APPL1: variants seen among roughly 807,000 people sequenced by gnomAD.
The protein encoded by APPL1 is adaptor protein, phosphotyrosine interacting with PH domain and leucine zipper 1.
A neutral mutation model predicts 106.8 loss-of-function variants in APPL1; 42 were observed. The observed-to-expected ratio is 0.39, with a 90% CI of 0.31 to 0.51. The LOEUF is 0.51. Among genes scored for constraint, APPL1 ranks in the 20% least tolerant of loss-of-function variants. The probability of loss-of-function intolerance (pLI) is 0.75; values close to 1 mark genes in which losing one functional copy is unlikely to be tolerated. For missense variants in APPL1, 769 were observed against 858.2 expected, an observed-to-expected ratio of 0.90 and a Z score of 1.30; for synonymous variants, 263 against 281.8, an observed-to-expected ratio of 0.93 and a Z score of 0.67.
At chr3:57,263,669 A>G (rs1038236873) in intron 19 of APPL1, among the ~76,000 whole-genome samples, 10 of 151,484 alleles carry the variant, frequency 6.6e-5, no homozygotes, top group Non-Finnish European at 1.3e-4. Context: ...TTATCCATGT[A>G]TCATCCATTC....
intron 21 of APPL1, 52 bp from the exon 22 acceptor site, chr3:57,269,489 G>T (rs1469917296): frequency 1.3e-6 from 2 of 1,596,570 alleles, no homozygotes; most frequent in African/African-American, 2.7e-5. Context: ...TGCATAATTT[G>T]CCATTTGACT....
intron 5 of APPL1, among the ~76,000 whole-genome samples, chr3:57,240,930 A>T (rs1181780299): frequency 6.6e-6 from 1 of 152,210 alleles, no homozygotes; most frequent in Non-Finnish European, 1.5e-5. Flanking sequence ...GAGAACAGTC[A>T]TTGTTCTGTT....
rs768049530 is a variant in APPL1 at position 57,238,167 on chromosome 3, C to A, written c.285+51C>A. 1.4e-5 allele frequency: 19 copies of A among 1,359,924 alleles called. 1 individual carries two copies. In the South Asian group the frequency reaches 2.3e-4, roughly 17 times the overall value. The allele number at this position is 1,359,924 out of a possible 1,614,324, so 84.2% of individuals were successfully genotyped here. A position where few individuals can be genotyped will look rare whatever the true frequency, so the allele number is the denominator to read the frequency against. On this transcript the variant is annotated intron_variant, in intron 4 of 21. Coordinates refer to ENST00000288266, the MANE Select transcript of APPL1 (RefSeq NM_012096.3). ...ATTAAATGGTCTTATAATTGAGTTA[C>A]CCAGTTGCTTAGCTTTTATTTTATG... is the stretch of plus-strand genomic sequence containing the variant.
Position 57,268,423 on chromosome 3 carries a change from AAG to A in APPL1, c.1921_1922del (p.Glu641AsnfsTer14), listed in dbSNP as rs1559515916. 1 of 1,599,366 alleles carries A rather than the reference AAG, an allele frequency of 6.3e-7. No individual in the cohort carries two copies. Reference sequence around the variant, plus strand: ...GATCGTAGGGCATCAGAAAAACAAAAAGAAATAGAGAGAGTAAAAGAGAAGCA... The same window carrying A: ...GATCGTAGGGCATCAGAAAAACAAAAAAATAGAGAGAGTAAAAGAGAAGCA... On this transcript the variant is annotated frameshift_variant, in exon 21 of 22. Coordinates refer to ENST00000288266, the MANE Select transcript of APPL1 (RefSeq NM_012096.3). LOFTEE classifies it high-confidence loss of function.
Position 57,269,668 on chromosome 3 carries a change from AG to A in APPL1, c.2112del (p.Arg705GlufsTer39). 1.9e-6 allele frequency: 3 copies of A among 1,614,102 alleles called. No individual in the cohort carries two copies. The highest frequency in any genetic ancestry group is 2.5e-6 in the Non-Finnish European group (3 of 1,179,978). On this transcript the variant is annotated frameshift_variant, in exon 22 of 22. Coordinates refer to ENST00000288266, the MANE Select transcript of APPL1 (RefSeq NM_012096.3). LOFTEE classifies it high-confidence loss of function. The part of the protein sequence containing the change: ...EESDLGEGGK[K>X]RESEA ...AGTGATTTGGGAGAAGGAGGAAAGA[AG>A]AGAGAATCAGAAGCATAAGCTTATA... is the stretch of plus-strand genomic sequence containing the variant.
chr3:57,235,398 CAA>C (rs200835898), intron 1 of APPL1, among the ~76,000 whole-genome samples, 166 bp from the exon 2 acceptor site: 1 of 139,066 alleles, frequency 7.2e-6, no homozygotes, highest in African/African-American at 2.6e-5. Context: ...AAACTAAGAA[CAA>C]AAAAAAAAGA....
chr3:57,231,338 CAAAAAAAAAA>C, intron 1 of APPL1, among the ~76,000 whole-genome samples: 1 of 72,234 alleles, frequency 1.4e-5, no homozygotes, highest in South Asian at 6.0e-4. Context: ...GACTCCGTCT[CAAAAAAAAAA>C]AAAAAAAAAA....
At chr3:57,232,331 A>C (rs2060690890) in intron 1 of APPL1, among the ~76,000 whole-genome samples, 1 of 152,134 alleles carries the variant, frequency 6.6e-6, no homozygotes, top group Non-Finnish European at 1.5e-5. Context: ...GATTCCTCTT[A>C]GAGTTGATGG....
At position 57,269,869 on chromosome 3, in the gene APPL1, TC is replaced by T. The variant is rs1193759344; in HGVS notation, c.*187del. The T allele has an allele frequency of 1.5e-5, 10 of 662,300 alleles. No individual in the cohort carries two copies. Among genetic ancestry groups the T allele is most frequent in the Non-Finnish European group, 1.9e-5 (8 of 415,706 alleles). 41.0% of individuals were successfully genotyped at this position (662,300 alleles called of 1,614,324 possible). On this transcript the variant is annotated 3_prime_UTR_variant, in exon 22 of 22. Transcript: ENST00000288266. ...GACTTAGGTTTGCATTGATCTTTTTTCCCCCTTAAACATAATGTACTATGTA... is the reference window on the plus strand; with the variant it reads ...GACTTAGGTTTGCATTGATCTTTTTTCCCCTTAAACATAATGTACTATGTA...
intron 1 of APPL1, among the ~76,000 whole-genome samples, chr3:57,229,260 CT>C (rs2060671860): frequency 6.6e-6 from 1 of 151,766 alleles, no homozygotes; most frequent in South Asian, 2.1e-4. Flanking sequence ...GTCAGGTGTA[CT>C]TTGTCATTTT....
At position 57,227,782 on chromosome 3, in the gene APPL1, C is replaced by G; in HGVS notation, c.-102C>G. ...TGTGCGGGCGGGGACGGCTGCAGCC[C>G]TTGCCGGAGAGGGCGGGCCGGGGTC... On this transcript the variant is annotated 5_prime_UTR_variant, in exon 1 of 22. Transcript: ENST00000288266. The G allele has an allele frequency of 5.6e-6, 6 of 1,078,246 alleles. No individual in the cohort carries two copies. Among genetic ancestry groups the G allele is most frequent in the South Asian group, 2.0e-5 (1 of 48,840 alleles). 66.8% of individuals were successfully genotyped at this position (1,078,246 alleles called of 1,614,324 possible). A position where few individuals can be genotyped will look rare whatever the true frequency, so the allele number is the denominator to read the frequency against.
At chr3:57,229,366 G>C (rs4640525) in intron 1 of APPL1, among the ~76,000 whole-genome samples, 56,475 of 151,770 alleles carry the variant, frequency 0.37, 12,661 homozygotes, top group East Asian at 0.92. Flanking sequence ...AAACGGCTCA[G>C]AATGGATTGC....
rs1363636712 is a variant in APPL1 at position 57,253,756 on chromosome 3, T to C, written c.1152+18T>C. 2.9e-6 allele frequency: 4 copies of C among 1,402,686 alleles called. No individual in the cohort carries two copies. The East Asian group carries it at 8.8e-5, about 31-fold the overall frequency. 86.9% of individuals were successfully genotyped at this position (1,402,686 alleles called of 1,614,324 possible). ...ATCCAGAGGTAATATTTTTATTTTA[T>C]GTTACCCAGATCTAGCAAAATTGAG... On this transcript the variant is annotated intron_variant, in intron 13 of 21. Transcript: ENST00000288266.
intron 6 of APPL1, 123 bp from the exon 7 acceptor site, chr3:57,242,733 C>A: frequency 1.4e-6 from 1 of 696,606 alleles, no homozygotes; most frequent in African/African-American, 1.8e-5. Flanking sequence ...GTGCAGTGGT[C>A]ATGTGGTAGG....
chr3:57,247,500 T>C, intron 9 of APPL1, 23 bp downstream of exon 9: 6 of 1,451,014 alleles, frequency 4.1e-6, no homozygotes, highest in Non-Finnish European at 5.8e-6. Context: ...TTCCTTAAAA[T>C]TGAAAATGAA....
In APPL1 at chr3:57,242,900, A is replaced by G. The variant is rs746341236; in HGVS notation, c.460A>G (p.Arg154Gly). ...TAGATATAGCCGTTTATCAAAAAAA[A>G]GAGAAAATGACAAGGTGTGGTACAT... is the stretch of plus-strand genomic sequence containing the variant. ...INRYSRLSKKRENDKVKYEVT... is the reference protein window; with the variant it reads ...INRYSRLSKKGENDKVKYEVT... The change falls in exon 7 of 22, where the codon AGA (arginine) becomes GGA (glycine). Residue 154 changes from arginine to glycine, a missense_variant. By Grantham distance (125) the Arg-to-Gly change is moderately radical. Transcript: ENST00000288266. 4 of 1,611,130 alleles carry G rather than the reference A, an allele frequency of 2.5e-6. No individual in the cohort carries two copies. Among genetic ancestry groups the G allele is most frequent in the Non-Finnish European group, 1.7e-6 (2 of 1,177,914 alleles).
At chr3:57,237,953 T>G in intron 3 of APPL1, 92 bp from the exon 4 acceptor site, 1 of 1,006,216 alleles carries the variant, frequency 9.9e-7, no homozygotes, top group South Asian at 1.6e-5. Context: ...TTTGGAAGTT[T>G]TCTGAAGTTA....
chr3:57,242,939 G>C (rs527308468), intron 7 of APPL1, 25 bp downstream of exon 7: 1 of 1,562,860 alleles, frequency 6.4e-7, no homozygotes, highest in African/African-American at 1.4e-5. Context: ...TATTCCTTCA[G>C]TGTCATAATT....
intron 1 of APPL1, 34 bp downstream of exon 1, chr3:57,227,971 A>G: frequency 7.1e-7 from 1 of 1,407,328 alleles, no homozygotes; most frequent in Non-Finnish European, 9.4e-7. Flanking sequence ...GACGAGGGAG[A>G]GCCCAGCTGG....
Sources: allele counts gnomAD v4.1 joint callset (sites outside exome capture counted in the v4.1 genomes callset), GRCh38; gene constraint gnomAD v4.1.1; transcripts MANE v1.5; gene names NCBI Gene and HGNC (gene_info 2026-07-23, HGNC 2026-07-21).